Variants in ZNF184 observed in about 807,000 individuals in gnomAD.
The protein encoded by ZNF184 is zinc finger protein 184, also known as zinc finger protein 184 (Kruppel-like).
ZNF184 carries 16 observed loss-of-function variants against 54.4 expected under a neutral mutation model. That is an observed-to-expected ratio of 0.29 (90% CI 0.20 to 0.45). ZNF184 has a LOEUF of 0.45. Among genes scored for constraint, ZNF184 ranks in the 20% least tolerant of loss-of-function variants. ZNF184 has a pLI of 1.00. For synonymous variants in ZNF184, 254 were observed against 295.3 expected (o/e 0.86, Z 1.43); for missense variants, 681 against 888.2 (o/e 0.77, Z 2.97).
intron 3 of ZNF184, among the ~76,000 whole-genome samples, chr6:27,458,292 C>G (rs568836134): frequency 2.0e-5 from 1 of 50,330 alleles, no homozygotes; most frequent in African/African-American, 7.4e-5. Context: ...AGCTTCTGCA[C>G]AGTAAAAAAA....
the ZNF184 span, chr6:27,404,143 A>G: frequency 6.6e-6 from 1 of 152,248 alleles, no homozygotes; most frequent in African/African-American, 2.4e-5. Context: ...AGGACAAGTT[A>G]TGATAACCTA....
the ZNF184 span, among the ~76,000 whole-genome samples, chr6:27,422,720 C>T: frequency 3.9e-5 from 6 of 152,238 alleles, no homozygotes; most frequent in East Asian, 1.2e-3. Context: ...AGAGGCAAAT[C>T]AGCACTATGA....
At chr6:27,454,788 A>G (rs915310655) in intron 5 of ZNF184, among the ~76,000 whole-genome samples, 1 of 152,228 alleles carries the variant, frequency 6.6e-6, no homozygotes, top group African/African-American at 2.4e-5. Context: ...GAAAAATACC[A>G]TCCCTATTGC....
the ZNF184 span, among the ~76,000 whole-genome samples, chr6:27,432,392 C>T: frequency 5.3e-5 from 8 of 152,166 alleles, no homozygotes; most frequent in East Asian, 1.4e-3. This position sits in a 1 kb window ranked among gnomAD's most constrained non-coding sequence, Gnocchi z 4.0. Flanking sequence ...TTCTCAGCTG[C>T]CTGAACTGCA....
At chr6:27,462,117 C>G (rs1763009910) in intron 3 of ZNF184, among the ~76,000 whole-genome samples, 1 of 152,190 alleles carries the variant, frequency 6.6e-6, no homozygotes, top group Non-Finnish European at 1.5e-5. Flanking sequence ...AAATGCTGTT[C>G]TGGGCCCACT....
intron 2 of ZNF184, among the ~76,000 whole-genome samples, chr6:27,468,643 A>G (rs1479199455): frequency 1.3e-5 from 2 of 152,242 alleles, no homozygotes; most frequent in Admixed American, 1.3e-4. Flanking sequence ...AGAACACAGC[A>G]TAAACAACCA....
At chr6:27,424,175 A>T in the ZNF184 span, among the ~76,000 whole-genome samples, 1 of 152,162 alleles carries the variant, frequency 6.6e-6, no homozygotes, top group African/African-American at 2.4e-5. Flanking sequence ...GGTAAGTGTT[A>T]GAGCTCTTAA....
intron 3 of ZNF184, among the ~76,000 whole-genome samples, chr6:27,462,318 C>A (rs1258307243): frequency 1.3e-5 from 2 of 151,818 alleles, no homozygotes; most frequent in Non-Finnish European, 2.9e-5. Context: ...CTGCCTCAGC[C>A]TCCCGAGTAT....
chr6:27,461,780 GAT>G (rs1198831444), intron 3 of ZNF184, among the ~76,000 whole-genome samples: 1 of 152,188 alleles, frequency 6.6e-6, no homozygotes, highest in Admixed American at 6.5e-5. Context: ...GAACTCAAGA[GAT>G]AGAGCTGAGA....
rs537547503 is a variant in ZNF184, at chr6:27,457,080, G to A, written c.203-159C>T. Among the ~76,000 whole-genome samples the A allele has an allele frequency of 5.9e-4, 90 of 152,282 alleles. 1 individual carries two copies. Among genetic ancestry groups the A allele is most frequent in the Admixed American group, 1.2e-3 (18 of 15,296 alleles). On this transcript the variant is annotated intron_variant, in intron 4 of 5. Coordinates refer to ENST00000683788, the MANE Select transcript of ZNF184 (RefSeq NM_001318891.2). ...TTAGTGTTACCAGTTCCCAGACATG[G>A]TGGGAGTATAATTTGGGAACTGATC...
At chr6:27,442,753 G>GGGAA in the ZNF184 span, among the ~76,000 whole-genome samples, 2 of 143,476 alleles carry the variant, frequency 1.4e-5, no homozygotes, top group Non-Finnish European at 3.0e-5. Flanking sequence ...GAGGGAGGGA[G>GGGAA]GGAAGGAAGG....
At chr6:27,442,781 G>GGAAAGGAA in the ZNF184 span, among the ~76,000 whole-genome samples, 11 of 82,738 alleles carry the variant, frequency 1.3e-4, 1 homozygote, top group African/African-American at 3.4e-4. Context: ...AAGGAAGGAA[G>GGAAAGGAA]GAAAGGAAGA....
rs987159582 is a variant in ZNF184 at position 27,472,463 on chromosome 6, T to C, written c.-139-30A>G. 4.0e-6 allele frequency: 3 copies of C among 745,646 alleles called. No individual in the cohort carries two copies. In the African/African-American group the frequency reaches 5.2e-5, roughly 13 times the overall value. The allele number at this position is 745,646 out of a possible 1,614,324, so 46.2% of individuals were successfully genotyped here. ...AAGACACAGGATGGCGTCAGCAGCA[T>C]ACGTCACACAATCACACATCAGAGT... On this transcript the variant is annotated intron_variant, in intron 1 of 5. Coordinates refer to ENST00000683788, the MANE Select transcript of ZNF184 (RefSeq NM_001318891.2). The surrounding 1 kb of genome is among the most constrained non-coding windows in gnomAD (Gnocchi z 4.8).
At chr6:27,446,916 G>A (rs1354760395), downstream of ZNF184, among the ~76,000 whole-genome samples, 3 of 151,900 alleles carry the variant, frequency 2.0e-5, no homozygotes, top group Non-Finnish European at 2.9e-5. Flanking sequence ...AGGCTGAAGC[G>A]GGTGGATCAT....
the ZNF184 span, among the ~76,000 whole-genome samples, chr6:27,416,613 T>C: frequency 1.3e-5 from 2 of 152,182 alleles, no homozygotes; most frequent in African/African-American, 4.8e-5. Context: ...TTCCCAATCA[T>C]GGGACAATAT....
At chr6:27,457,556 C>T in intron 3 of ZNF184, 147 bp from the exon 4 acceptor site, 2 of 903,258 alleles carry the variant, frequency 2.2e-6, no homozygotes, top group Non-Finnish European at 3.3e-6. Context: ...AATGTAAAAA[C>T]AGTGCCTCAT....
In ZNF184 at chr6:27,455,515, C is replaced by T. The variant is rs1443310235; in HGVS notation, c.298+1311G>A. Among the ~76,000 whole-genome samples, 3 of 151,914 alleles carry T rather than the reference C, an allele frequency of 2.0e-5. No individual in the cohort carries two copies. The East Asian group carries it at 5.8e-4, about 29-fold the overall frequency. ...TTGCTTTTTCCAAAAGTTAACTAAC[C>T]ATAAGCCCCAGTTATTAAAGTTCTT... is the stretch of plus-strand genomic sequence containing the variant. On this transcript the variant is annotated intron_variant, in intron 5 of 5. Transcript: ENST00000683788.
the ZNF184 span, among the ~76,000 whole-genome samples, chr6:27,422,292 T>C: frequency 6.6e-6 from 1 of 152,062 alleles, no homozygotes. Context: ...CGACCTGATG[T>C]TGGGGGTGAC....
At chr6:27,457,020 T>C in intron 4 of ZNF184, 99 bp from the exon 5 acceptor site, 1 of 1,156,194 alleles carries the variant, frequency 8.6e-7, no homozygotes, top group Non-Finnish European at 1.2e-6. Context: ...TGATATGTAG[T>C]AAAAACCTGA....
Sources: allele counts gnomAD v4.1 joint callset (sites outside exome capture counted in the v4.1 genomes callset), GRCh38; gene constraint gnomAD v4.1.1; non-coding constraint Gnocchi (gnomAD v3.1); transcripts MANE v1.5; gene names NCBI Gene and HGNC (gene_info 2026-07-23, HGNC 2026-07-21).